PTPN5: variants seen among roughly 807,000 people sequenced by gnomAD.
PTPN5 encodes the protein protein tyrosine phosphatase non-receptor type 5, also known as tyrosine-protein phosphatase non-receptor type 5.
In PTPN5, 29 loss-of-function variants were observed where a neutral mutation model predicts 73.9. The ratio of observed to expected loss-of-function variants is 0.39; its 90% CI spans 0.29 to 0.54. The LOEUF (loss-of-function observed/expected upper bound fraction) is 0.54, where lower values mean the gene tolerates loss of function less well. PTPN5 is among the 20% of genes least tolerant of loss of function. PTPN5 has a pLI of 0.65. For synonymous variants in PTPN5, 267 were observed against 304.7 expected, an observed-to-expected ratio of 0.88 and a Z score of 1.29; for missense variants, 652 against 751.4, an observed-to-expected ratio of 0.87 and a Z score of 1.55.
rs1467633366 is a variant in PTPN5, at chr11:18,729,426, T to C, written c.1604+27A>G. ...CGCTCGGGGCTCTAGCTCCCTTGTG[T>C]GTCCCCACTCCCGCCCGTGGGCTGA... On this transcript the variant is annotated intron_variant, in intron 14 of 14. Coordinates refer to ENST00000358540, the MANE Select transcript of PTPN5 (RefSeq NM_006906.2). The surrounding 1 kb of genome is among the most constrained non-coding windows in gnomAD (Gnocchi z 5.2). 1 of 1,103,496 alleles carries C rather than the reference T, an allele frequency of 9.1e-7. No individual in the cohort carries two copies. Among genetic ancestry groups the C allele is most frequent in the South Asian group, 1.2e-5 (1 of 80,752 alleles). 68.4% of individuals were successfully genotyped at this position (1,103,496 alleles called of 1,614,324 possible).
intron 1 of PTPN5, among the ~76,000 whole-genome samples, chr11:18,787,330 C>T (rs1266322791): frequency 6.6e-6 from 1 of 152,186 alleles, no homozygotes; most frequent in Non-Finnish European, 1.5e-5. Context: ...TTCATTCATT[C>T]ATTCATTCAT....
chr11:18,765,869 TTCTC>T lies in PTPN5; in HGVS notation c.31_34del (p.Glu11ThrfsTer27). ...TCCCTCGGAGTCATCAGCAGCGTGG[TTCTC>T]TCTCTCACTCCTGCAGCAGGATGGA... is the stretch of plus-strand genomic sequence containing the variant. On this transcript the variant is annotated frameshift_variant, in exon 3 of 15. Coordinates refer to ENST00000358540, the MANE Select transcript of PTPN5 (RefSeq NM_006906.2). LOFTEE classifies it high-confidence loss of function. 1 of 1,579,116 alleles carries T rather than the reference TTCTC, an allele frequency of 6.3e-7. No individual in the cohort carries two copies. Among genetic ancestry groups the T allele is most frequent in the Non-Finnish European group, 8.6e-7 (1 of 1,161,578 alleles).
intron 1 of PTPN5, among the ~76,000 whole-genome samples, chr11:18,772,740 C>A (rs531263719): frequency 6.6e-6 from 1 of 152,274 alleles, no homozygotes; most frequent in East Asian, 1.9e-4. Context: ...TTGTTCAACC[C>A]GTTTACTAAA....
chr11:18,740,887 T>A, intron 7 of PTPN5, 95 bp from the exon 8 acceptor site: 1 of 742,734 alleles, frequency 1.3e-6, no homozygotes, highest in Non-Finnish European at 2.0e-6. Context: ...GAGGGAGAGA[T>A]CAGCTGGGAA....
intron 3 of PTPN5, among the ~76,000 whole-genome samples, chr11:18,765,498 G>A (rs542917648): frequency 2.6e-5 from 4 of 152,048 alleles, no homozygotes; most frequent in South Asian, 2.1e-4. Flanking sequence ...AGCCCTGAAT[G>A]GTCAGTGGTC....
At chr11:18,785,789 C>T (rs894236336) in intron 1 of PTPN5, among the ~76,000 whole-genome samples, 11 of 143,140 alleles carry the variant, frequency 7.7e-5, no homozygotes, top group African/African-American at 2.7e-4. Flanking sequence ...AACTACCTCA[C>T]CACAAAAAAG....
intron 3 of PTPN5, 30 bp downstream of exon 3, chr11:18,765,777 T>C (rs1850615953): frequency 6.8e-7 from 1 of 1,469,552 alleles, no homozygotes; most frequent in African/African-American, 1.4e-5. Context: ...TTCTGAGGTC[T>C]GGGAGGAGCT....
chr11:18,743,591 G>A (rs555049835), intron 4 of PTPN5, 162 bp from the exon 5 acceptor site: 27 of 647,180 alleles, frequency 4.2e-5, no homozygotes, highest in Non-Finnish European at 5.7e-5. Context: ...CTGCGTGCCC[G>A]GGGAGGCCTC....
At chr11:18,753,012 T>C (rs1172420090) in intron 3 of PTPN5, among the ~76,000 whole-genome samples, 2 of 152,222 alleles carry the variant, frequency 1.3e-5, no homozygotes, top group African/African-American at 2.4e-5. Context: ...AGCTAGCATA[T>C]GAAGTTCAAC....
intron 1 of PTPN5, among the ~76,000 whole-genome samples, chr11:18,784,139 A>G (rs891496058): frequency 6.6e-6 from 1 of 152,192 alleles, no homozygotes; most frequent in Non-Finnish European, 1.5e-5. Flanking sequence ...ACACAGAATG[A>G]TCATACGATC....
chr11:18,764,436 G>C (rs1850539330), intron 3 of PTPN5, among the ~76,000 whole-genome samples: 1 of 152,220 alleles, frequency 6.6e-6, no homozygotes, highest in African/African-American at 2.4e-5. Flanking sequence ...GCTGTCCCAA[G>C]TGTTTTGAGC....
intron 3 of PTPN5, among the ~76,000 whole-genome samples, chr11:18,746,432 T>C (rs1404352251): frequency 1.3e-5 from 2 of 151,936 alleles, no homozygotes; most frequent in African/African-American, 2.4e-5. Context: ...CCTCAAGTGA[T>C]CCACCCACCT....
At chr11:18,764,293 G>A (rs116552252) in intron 3 of PTPN5, among the ~76,000 whole-genome samples, 225 of 152,234 alleles carry the variant, frequency 1.5e-3, no homozygotes, top group African/African-American at 5.1e-3. Flanking sequence ...TTGGGCTTAC[G>A]TCATCCTAAG....
At chr11:18,762,534 C>G (rs1850445167) in intron 3 of PTPN5, among the ~76,000 whole-genome samples, 1 of 152,148 alleles carries the variant, frequency 6.6e-6, no homozygotes, top group South Asian at 2.1e-4. Flanking sequence ...TGAATTTACC[C>G]TATTCACAAT....
chr11:18,753,521 GACC>G (rs2134258873), intron 3 of PTPN5, among the ~76,000 whole-genome samples: 1 of 152,210 alleles, frequency 6.6e-6, no homozygotes, highest in Admixed American at 6.5e-5. Context: ...AACAACAAAG[GACC>G]ACCATGCTCT....
In PTPN5 at chr11:18,729,829, G is replaced by A. The variant is rs1564883899; in HGVS notation, c.1330-11C>T. The A allele has an allele frequency of 1.2e-5, 20 of 1,614,012 alleles. No homozygotes were observed. Among genetic ancestry groups the A allele is most frequent in the Non-Finnish European group, 1.4e-5 (17 of 1,180,002 alleles). ...CTCCTCAGTCCCACTCTGTCGAGGA[G>A]ACAGAGGCCCACCCCAGGTATGTGT... On this transcript the variant is annotated splice_polypyrimidine_tract_variant and intron_variant, in intron 12 of 14. Coordinates refer to ENST00000358540, the MANE Select transcript of PTPN5 (RefSeq NM_006906.2). The surrounding 1 kb of genome is among the most constrained non-coding windows in gnomAD (Gnocchi z 5.2).
intron 3 of PTPN5, among the ~76,000 whole-genome samples, chr11:18,758,613 A>G (rs1159365367): frequency 6.6e-6 from 1 of 152,202 alleles, no homozygotes; most frequent in Non-Finnish European, 1.5e-5. Context: ...TCAGGCAGCA[A>G]CAGACAACCA....
At chr11:18,740,125 G>A (rs1447366529) in intron 8 of PTPN5, among the ~76,000 whole-genome samples, 6 of 152,336 alleles carry the variant, frequency 3.9e-5, no homozygotes, top group Admixed American at 3.9e-4. Context: ...GAGGCAGCTG[G>A]AGGCTGCTGC....
intron 3 of PTPN5, among the ~76,000 whole-genome samples, chr11:18,749,185 A>G (rs1229244726): frequency 6.6e-6 from 1 of 152,190 alleles, no homozygotes; most frequent in African/African-American, 2.4e-5. Flanking sequence ...TGGCTTTTCA[A>G]TAGTTCACAG....
Sources: gnomAD v4.1 joint callset for allele counts (sites outside exome capture counted in the v4.1 genomes callset) on GRCh38, gnomAD v4.1.1 for gene constraint, Gnocchi (gnomAD v3.1) non-coding constraint, MANE v1.5 for transcripts, NCBI Gene and HGNC (gene_info 2026-07-23, HGNC 2026-07-21) for gene names.